Variants in NAV1 observed in about 807,000 individuals in gnomAD.
NAV1 encodes pore membrane and/or filament interacting like protein 3.
Under a neutral mutation model 175.2 loss-of-function variants are expected in NAV1, and 18 were observed. That is an observed-to-expected ratio of 0.10 (90% CI 0.07 to 0.15). NAV1 has a LOEUF of 0.15. Ranked by LOEUF, NAV1 falls within the 10% of genes least tolerant of loss-of-function variation. The pLI is 1.00. For missense variants in NAV1, 1,731 were observed against 2,436.6 expected, an observed-to-expected ratio of 0.71 and a Z score of 6.10; for synonymous variants, 897 against 978.7, an observed-to-expected ratio of 0.92 and a Z score of 1.56.
At chr1:201,572,624 T>C (rs1297418821) in intron 1 of NAV1, among the ~76,000 whole-genome samples, 1 of 152,050 alleles carries the variant, frequency 6.6e-6, no homozygotes. Context: ...CGCCTCAGCC[T>C]CCCAAAGTGC....
chr1:201,589,013 C>A (rs145700850), intron 2 of NAV1, among the ~76,000 whole-genome samples: 7,541 of 151,708 alleles, frequency 0.05, 210 homozygotes, highest in Middle Eastern at 0.071. Flanking sequence ...ACGCCCAGCT[C>A]ATTTTTGTAT....
At chr1:201,703,786 G>A (rs1289921173) in intron 1 of NAV1, among the ~76,000 whole-genome samples, 3 of 152,164 alleles carry the variant, frequency 2.0e-5, no homozygotes, top group Non-Finnish European at 4.4e-5. Flanking sequence ...TGTGGTCACT[G>A]CCTGCCCTCA....
At chr1:201,804,199 C>A in intron 16 of NAV1, 1 of 528,054 alleles carries the variant, frequency 1.9e-6, no homozygotes, top group East Asian at 3.4e-5. Context: ...GTCCAGAAGT[C>A]ATTTTTGTAC....
At chr1:201,804,059 T>C (rs770304638) in intron 16 of NAV1, 1 of 490,228 alleles carries the variant, frequency 2.0e-6, no homozygotes. Flanking sequence ...TTCCCTTCTA[T>C]ACTATGGAGA....
chr1:201,766,433 G>A (rs892647384), intron 3 of NAV1, among the ~76,000 whole-genome samples: 1 of 152,196 alleles, frequency 6.6e-6, no homozygotes, highest in Non-Finnish European at 1.5e-5. Flanking sequence ...AACTTTGGCA[G>A]TACTTGAACA....
intron 1 of NAV1, among the ~76,000 whole-genome samples, chr1:201,706,269 GTGTGTGTGTGTC>G (rs1671665415): frequency 6.6e-6 from 1 of 151,896 alleles, no homozygotes; most frequent in African/African-American, 2.4e-5. Context: ...GTGTGTGTGT[GTGTGTGTGTGTC>G]TGTGTGTTGT....
chr1:201,581,988 C>T (rs899514573), intron 1 of NAV1, among the ~76,000 whole-genome samples: 1 of 152,102 alleles, frequency 6.6e-6, no homozygotes, highest in African/African-American at 2.4e-5. Flanking sequence ...CCCAGCTACT[C>T]GAGAGGCTGA....
At position 201,556,873 on chromosome 1, in the gene NAV1, T is replaced by C. The variant is rs142707654; in HGVS notation, c.-144+17531T>C. On this transcript the variant is annotated intron_variant, in intron 1 of 33. Coordinates refer to the NAV1 transcript ENST00000685211. ...TCAATGGAGAGCCCTAGAAAATCAT[T>C]AGTGTTCCCCCTGTAAAAACAGGGG... Among the ~76,000 whole-genome samples, 3 of 152,158 alleles carry C rather than the reference T, an allele frequency of 2.0e-5. No homozygotes were observed. In the East Asian group the frequency reaches 5.8e-4, roughly 29 times the overall value.
intron 1 of NAV1, among the ~76,000 whole-genome samples, chr1:201,565,846 G>T (rs537542358): frequency 2.0e-5 from 3 of 152,166 alleles, no homozygotes; most frequent in Admixed American, 2.0e-4. Context: ...CTTCAGGCCA[G>T]CATTTTATCC....
At chr1:201,728,680 C>A (rs914205645) in intron 3 of NAV1, among the ~76,000 whole-genome samples, 1 of 151,970 alleles carries the variant, frequency 6.6e-6, no homozygotes, top group African/African-American at 2.4e-5. Context: ...AGGCTGGTCT[C>A]AAACTCCTGG....
At chr1:201,705,380 AC>A (rs1255870622) in intron 1 of NAV1, among the ~76,000 whole-genome samples, 1 of 152,184 alleles carries the variant, frequency 6.6e-6, no homozygotes, top group East Asian at 1.9e-4. Flanking sequence ...TGTGGCCAAC[AC>A]ATTAGTCCTT....
At chr1:201,635,495 C>CTGTA (rs1195636614) in intron 2 of NAV1, among the ~76,000 whole-genome samples, 2 of 152,170 alleles carry the variant, frequency 1.3e-5, no homozygotes, top group Non-Finnish European at 2.9e-5. Context: ...ACCTGTGCAG[C>CTGTA]TGTACGTGAT....
At position 201,787,240 on chromosome 1, in the gene NAV1, A is replaced by T. The variant is rs1203226979; in HGVS notation, c.2995+663A>T. Among the ~76,000 whole-genome samples, 2 of 152,266 alleles carry T rather than the reference A, an allele frequency of 1.3e-5. No individual in the cohort carries two copies. The highest frequency in any genetic ancestry group is 2.4e-5 in the African/African-American group (1 of 41,470). On this transcript the variant is annotated intron_variant, in intron 9 of 29. Coordinates refer to ENST00000367296, the Ensembl canonical transcript of NAV1. This position sits in a 1 kb window ranked among gnomAD's most constrained non-coding sequence, Gnocchi z 4.3. The stretch of plus-strand genomic sequence containing the variant: ...CACACCAGCTCCGGTTCTGTGAAGC[A>T]GTACGCCATGATTGGCCTACTAGGA...
intron 1 of NAV1, among the ~76,000 whole-genome samples, chr1:201,656,468 C>T (rs1669408116): frequency 6.6e-6 from 1 of 152,194 alleles, no homozygotes; most frequent in Non-Finnish European, 1.5e-5. Context: ...ATGTTATAAG[C>T]TCCAGGTGTT....
Position 201,718,591 on chromosome 1 carries a change from C to T in NAV1, c.1062C>T (p.Tyr354=), listed in dbSNP as rs1225903997. 6.2e-7 allele frequency: 1 copy of T among 1,614,196 alleles called. No homozygotes were observed. The highest frequency in any genetic ancestry group is 1.7e-5 in the Admixed American group (1 of 60,036). The change falls in exon 3 of 30, where the codon TAC becomes TAT. Residue 354 remains tyrosine (Y), a synonymous_variant. Coordinates refer to ENST00000367296, the Ensembl canonical transcript of NAV1. The surrounding 1 kb of genome is among the most constrained non-coding windows in gnomAD (Gnocchi z 4.8). ...ACATGCACGGCGAACGGGCCCACTA[C>T]TCCCACACCATGCCCATGCGCAGCC...
At position 201,593,409 on chromosome 1, in the gene NAV1, A is replaced by G. The variant is rs967689598; in HGVS notation, c.-33+4760A>G. Among the ~76,000 whole-genome samples the G allele has an allele frequency of 3.9e-5, 6 of 152,180 alleles. No homozygotes were observed. In the East Asian group the frequency reaches 1.2e-3, roughly 29 times the overall value. On this transcript the variant is annotated intron_variant, in intron 2 of 33. Transcript: ENST00000685211. Reference sequence around the variant, plus strand: ...CATTTGCTCTCCCTCCAAGCCCTGGAAACCTGGGACTCTCTAACATCTACC... The same window carrying G: ...CATTTGCTCTCCCTCCAAGCCCTGGGAACCTGGGACTCTCTAACATCTACC...
chr1:201,682,439 G>C (rs1036570877), intron 1 of NAV1, among the ~76,000 whole-genome samples: 1 of 152,070 alleles, frequency 6.6e-6, no homozygotes, highest in East Asian at 1.9e-4. Context: ...CCATTTGTCT[G>C]ACAGCAGTCC....
chr1:201,782,231 G>C lies in NAV1; in HGVS notation c.1719G>C (p.Gly573=). Residue 573 remains glycine, a synonymous_variant, in exon 6 of 30, where the codon GGG becomes GGC. Coordinates refer to ENST00000367296, the Ensembl canonical transcript of NAV1. This position sits in a 1 kb window ranked among gnomAD's most constrained non-coding sequence, Gnocchi z 5.4. ...GTAAGCTTGCAGTGAAGAATACTGG[G>C]CTCCAACGCTCCTCCTCTGATGCTG... 1.2e-6 allele frequency: 2 copies of C among 1,613,586 alleles called. No homozygotes were observed. The highest frequency in any genetic ancestry group is 1.7e-6 in the Non-Finnish European group (2 of 1,179,812).
At chr1:201,648,670 T>G in exon 1 of NAV1, 1 of 1,407,862 alleles carries the variant, frequency 7.1e-7, no homozygotes, top group Non-Finnish European at 9.2e-7. Flanking sequence ...GCGGGCAGAA[T>G]GCTGGGCAGC....
Sources: gnomAD v4.1 joint callset for allele counts (sites outside exome capture counted in the v4.1 genomes callset) on GRCh38, gnomAD v4.1.1 for gene constraint, Gnocchi (gnomAD v3.1) non-coding constraint, MANE v1.5 for transcripts, NCBI Gene and HGNC (gene_info 2026-07-23, HGNC 2026-07-21) for gene names.